FAM204A: variants seen among roughly 807,000 people sequenced by gnomAD.
FAM204A encodes family with sequence similarity 204 member A, also known as protein FAM204A.
A neutral mutation model predicts 35.4 loss-of-function variants in FAM204A; 16 were observed. The ratio of observed to expected loss-of-function variants is 0.45; its 90% CI spans 0.31 to 0.69. FAM204A has a LOEUF of 0.69. Ranked by LOEUF, FAM204A falls within the 30% of genes least tolerant of loss-of-function variation. The pLI is 0.07. For synonymous variants in FAM204A, 76 were observed against 86.9 expected (o/e 0.88, Z 0.70); for missense variants, 240 against 265.7 (o/e 0.90, Z 0.67).
intron 7 of FAM204A, among the ~76,000 whole-genome samples, chr10:118,320,537 G>A (rs1030334693): frequency 6.6e-6 from 1 of 151,654 alleles, no homozygotes; most frequent in African/African-American, 2.4e-5. Context: ...TCAAATACTT[G>A]AATGTGTATT....
intron 6 of FAM204A, among the ~76,000 whole-genome samples, chr10:118,326,697 C>T (rs892658978): frequency 2.0e-5 from 3 of 152,162 alleles, no homozygotes; most frequent in African/African-American, 7.2e-5. Context: ...CCAAAGCCAG[C>T]GTCTGTAAGT....
Position 118,307,456 on chromosome 10 carries a change from G to C in FAM204A, c.*3401C>G, listed in dbSNP as rs1265580542. The C allele has an allele frequency of 6.6e-6, 1 of 152,160 alleles. No homozygotes were observed. The highest frequency in any genetic ancestry group is 2.4e-5 in the African/African-American group (1 of 41,452). The allele number at this position is 152,160 out of a possible 1,614,324, so 9.4% of individuals were successfully genotyped here. A position where few individuals can be genotyped will look rare whatever the true frequency, so the allele number is the denominator to read the frequency against. On this transcript the variant is annotated 3_prime_UTR_variant, in exon 9 of 9. Coordinates refer to ENST00000369183, the MANE Select transcript of FAM204A (RefSeq NM_022063.3). Reference sequence around the variant, plus strand: ...AAATAAAAGCAACTTCTGCCAAAATGGAAAACTTGGATTCAGTTGGTTCTG... The same window carrying C: ...AAATAAAAGCAACTTCTGCCAAAATCGAAAACTTGGATTCAGTTGGTTCTG...
At chr10:118,328,182 TCC>T (rs1457208953) in intron 6 of FAM204A, among the ~76,000 whole-genome samples, 2 of 152,298 alleles carry the variant, frequency 1.3e-5, no homozygotes, top group African/African-American at 4.8e-5. Context: ...AGAATTCTAC[TCC>T]CTGATACAAT....
rs1015746657 is a variant in FAM204A at position 118,335,703 on chromosome 10, AAAT to A, written c.235-65_235-63del. On this transcript the variant is annotated intron_variant, in intron 3 of 8. Coordinates refer to ENST00000369183, the MANE Select transcript of FAM204A (RefSeq NM_022063.3). ...CTTTCCAGAAAAACATGCATTTAAAAAATAATGAAGTAATAAAACAATTATATT... is the reference window on the plus strand; with the variant it reads ...CTTTCCAGAAAAACATGCATTTAAAAAATGAAGTAATAAAACAATTATATT... 3 of 1,229,764 alleles carry A rather than the reference AAAT, an allele frequency of 2.4e-6. No homozygotes were observed. In the African/African-American group the frequency reaches 4.6e-5, roughly 19 times the overall value. 76.2% of individuals were successfully genotyped at this position (1,229,764 alleles called of 1,614,324 possible). A position where few individuals can be genotyped will look rare whatever the true frequency, so the allele number is the denominator to read the frequency against.
intron 7 of FAM204A, among the ~76,000 whole-genome samples, chr10:118,321,341 T>C (rs1846112394): frequency 6.6e-6 from 1 of 152,082 alleles, no homozygotes; most frequent in African/African-American, 2.4e-5. Context: ...AAAAATTCCA[T>C]CTTGATTATT....
chr10:118,329,522 C>T (rs1238385233), intron 6 of FAM204A, among the ~76,000 whole-genome samples: 1 of 152,040 alleles, frequency 6.6e-6, no homozygotes, highest in East Asian at 1.9e-4. Flanking sequence ...CGAATGTTAC[C>T]TTCTCTATCT....
chr10:118,304,565 C>T lies in FAM204A; in HGVS notation c.*6292G>A, dbSNP rs1845842435. 1 of 152,474 alleles carries T rather than the reference C, an allele frequency of 6.6e-6. No homozygotes were observed. Among genetic ancestry groups the T allele is most frequent in the Non-Finnish European group, 1.5e-5 (1 of 68,198 alleles). 9.4% of individuals were successfully genotyped at this position (152,474 alleles called of 1,614,324 possible). On this transcript the variant is annotated 3_prime_UTR_variant, in exon 9 of 9. Coordinates refer to ENST00000369183, the MANE Select transcript of FAM204A (RefSeq NM_022063.3). ...TTCTCATTCTCTCCCCTGGCCCCTG[C>T]TAAAGTCCTTGCTGTACCTCAAATG...
At position 118,298,974 on chromosome 10, in the gene FAM204A, T is replaced by C. The variant is rs963117411; in HGVS notation, c.*11883A>G. On this transcript the variant is annotated 3_prime_UTR_variant, in exon 9 of 9. Coordinates refer to ENST00000369183, the MANE Select transcript of FAM204A (RefSeq NM_022063.3). ...GGACTAATGGTTGCCTAGCAACCAC[T>C]AGACATTGTTTTGCTGCTTCACTCT... is the stretch of plus-strand genomic sequence containing the variant. The C allele has an allele frequency of 3.3e-5, 5 of 152,230 alleles. No homozygotes were observed. Among genetic ancestry groups the C allele is most frequent in the Admixed American group, 6.5e-5 (1 of 15,284 alleles). The allele number at this position is 152,230 out of a possible 1,614,324, so 9.4% of individuals were successfully genotyped here. A position where few individuals can be genotyped will look rare whatever the true frequency, so the allele number is the denominator to read the frequency against.
intron 6 of FAM204A, among the ~76,000 whole-genome samples, chr10:118,333,629 A>G (rs976700255): frequency 6.6e-6 from 1 of 152,200 alleles, no homozygotes; most frequent in Non-Finnish European, 1.5e-5. Context: ...ATCGGGCTTC[A>G]CTAAGTCCTT....
intron 7 of FAM204A, chr10:118,322,529 A>G: frequency 3.8e-6 from 1 of 260,390 alleles, no homozygotes. Context: ...CTGAGAAACA[A>G]AGAAAAACTG....
Position 118,302,077 on chromosome 10 carries a change from T to G in FAM204A, c.*8780A>C, listed in dbSNP as rs373186653. On this transcript the variant is annotated 3_prime_UTR_variant, in exon 9 of 9. Transcript: ENST00000369183. ...TGGCGCCTGAGCACTTGCATCTCTA[T>G]ATTTCCTAGGTGATGTTGTGTGACA... is the stretch of plus-strand genomic sequence containing the variant. The G allele has an allele frequency of 2.6e-5, 4 of 152,424 alleles. No individual in the cohort carries two copies. The highest frequency in any genetic ancestry group is 9.6e-5 in the African/African-American group (4 of 41,594). 9.4% of individuals were successfully genotyped at this position (152,424 alleles called of 1,614,324 possible).
intron 7 of FAM204A, among the ~76,000 whole-genome samples, chr10:118,312,897 G>C (rs551729881): frequency 6.6e-6 from 1 of 152,294 alleles, no homozygotes; most frequent in South Asian, 2.1e-4. Flanking sequence ...TTCAAACTGT[G>C]GGGCTGGGGA....
At chr10:118,338,101 T>C (rs34934503) in intron 2 of FAM204A, among the ~76,000 whole-genome samples, 9,737 of 152,256 alleles carry the variant, frequency 0.064, 366 homozygotes, top group South Asian at 0.12. Flanking sequence ...AGATTCCTCA[T>C]CTGCACAGGT....
Position 118,306,183 on chromosome 10 carries a change from C to T in FAM204A, c.*4674G>A, listed in dbSNP as rs1845862795. On this transcript the variant is annotated 3_prime_UTR_variant, in exon 9 of 9. Transcript: ENST00000369183. ...ACCTCATTCCATACCTGTCACATAG[C>T]AGGCCCCCTGCAGCTATTCAGCGAG... 2 of 152,422 alleles carry T rather than the reference C, an allele frequency of 1.3e-5. No homozygotes were observed. Among genetic ancestry groups the T allele is most frequent in the African/African-American group, 4.8e-5 (2 of 41,594 alleles). 9.4% of individuals were successfully genotyped at this position (152,422 alleles called of 1,614,324 possible). A position where few individuals can be genotyped will look rare whatever the true frequency, so the allele number is the denominator to read the frequency against.
intron 2 of FAM204A, among the ~76,000 whole-genome samples, chr10:118,338,990 T>C (rs1846430177): frequency 6.6e-6 from 1 of 152,192 alleles, no homozygotes; most frequent in African/African-American, 2.4e-5. Context: ...CAGTGTGGCA[T>C]CTGCCTGGTA....
intron 2 of FAM204A, among the ~76,000 whole-genome samples, chr10:118,340,905 C>T (rs1846467746): frequency 6.6e-6 from 1 of 152,032 alleles, no homozygotes. Context: ...CAAAAATAGC[C>T]CCATGGCTTT....
At position 118,309,843 on chromosome 10, in the gene FAM204A, A is replaced by G. The variant is rs1277687226; in HGVS notation, c.*1014T>C. 3.9e-5 allele frequency: 6 copies of G among 152,218 alleles called. No individual in the cohort carries two copies. Among genetic ancestry groups the G allele is most frequent in the Non-Finnish European group, 7.3e-5 (5 of 68,032 alleles). The allele number at this position is 152,218 out of a possible 1,614,324, so 9.4% of individuals were successfully genotyped here. On this transcript the variant is annotated 3_prime_UTR_variant, in exon 9 of 9. Transcript: ENST00000369183. ...TTCTAAGAACCATCTCATAATTTAA[A>G]GAATGACATGGCTGAGAAAAATACT... is the stretch of plus-strand genomic sequence containing the variant.
In FAM204A at chr10:118,325,192, C is replaced by T. The variant is rs74164040; in HGVS notation, c.543+962G>A. Among the ~76,000 whole-genome samples, 1,411 of 151,986 alleles carry T rather than the reference C, an allele frequency of 9.3e-3. 19 individuals carry two copies. The highest frequency in any genetic ancestry group is 0.033 in the African/African-American group (1,352 of 41,454). On this transcript the variant is annotated intron_variant, in intron 7 of 8. Transcript: ENST00000369183. ...AAAAAGAAAAAGACAAAACGAAAAACGCAAAAATCACAACAAACATCCATC... is the reference window on the plus strand; with the variant it reads ...AAAAAGAAAAAGACAAAACGAAAAATGCAAAAATCACAACAAACATCCATC...
At chr10:118,335,055 G>A (rs562226469) in intron 6 of FAM204A, 59 bp downstream of exon 6, 129 of 1,244,870 alleles carry the variant, frequency 1.0e-4, no homozygotes, top group Admixed American at 1.1e-4. Flanking sequence ...TACTTTAGGC[G>A]AGGCTAATCA....
Sources: gnomAD v4.1 joint callset for allele counts (sites outside exome capture counted in the v4.1 genomes callset) on GRCh38, gnomAD v4.1.1 for gene constraint, MANE v1.5 for transcripts, NCBI Gene and HGNC (gene_info 2026-07-23, HGNC 2026-07-21) for gene names.